Variants in ZCCHC17 observed in about 807,000 individuals in gnomAD.
ZCCHC17 encodes the protein zinc finger CCHC-type containing 17.
A neutral mutation model predicts 30.6 loss-of-function variants in ZCCHC17; 18 were observed. The ratio of observed to expected loss-of-function variants is 0.59; its 90% CI spans 0.41 to 0.87. The LOEUF (loss-of-function observed/expected upper bound fraction) is 0.87. ZCCHC17 is among the 40% of genes least tolerant of loss of function. ZCCHC17 has a pLI of 0.00. For missense variants in ZCCHC17, 263 were observed against 284.2 expected (o/e 0.93, Z 0.54); for synonymous variants, 88 against 92.4 (o/e 0.95, Z 0.27).
intron 7 of ZCCHC17, among the ~76,000 whole-genome samples, chr1:31,355,410 G>C (rs7532813): frequency 0.78 from 119,050 of 152,018 alleles, 47,015 homozygotes; most frequent in African/African-American, 0.84. Context: ...AAAATACATT[G>C]CTGTTTTTGT....
At chr1:31,328,608 T>C (rs1409895579) in intron 3 of ZCCHC17, among the ~76,000 whole-genome samples, 1 of 152,190 alleles carries the variant, frequency 6.6e-6, no homozygotes, top group Non-Finnish European at 1.5e-5. Context: ...TCTTTGCCAG[T>C]TTATTATAAA....
chr1:31,309,396 C>G (rs983396888), intron 1 of ZCCHC17, among the ~76,000 whole-genome samples: 1 of 152,128 alleles, frequency 6.6e-6, no homozygotes, highest in African/African-American at 2.4e-5. Flanking sequence ...CTCACTGCAG[C>G]CTCTGCCTCC....
In ZCCHC17 at chr1:31,358,259, AG is replaced by A. The variant is rs146392457; in HGVS notation, c.565-5772del. Reference sequence around the variant, plus strand: ...AAAGAGAGTGGTAGGAGAGGAAGTTAGATCAGAAGGAACCCAGATCACTGGG... The same window carrying A: ...AAAGAGAGTGGTAGGAGAGGAAGTTAATCAGAAGGAACCCAGATCACTGGG... On this transcript the variant is annotated intron_variant, in intron 7 of 7. Coordinates refer to ENST00000344147, the MANE Select transcript of ZCCHC17 (RefSeq NM_016505.4). Among the ~76,000 whole-genome samples, 880 of 152,372 alleles carry A rather than the reference AG, an allele frequency of 5.8e-3. 69 individuals carry two copies. The East Asian group carries it at 0.14, about 25-fold the overall frequency.
At chr1:31,326,712 G>A (rs1018394965) in intron 3 of ZCCHC17, among the ~76,000 whole-genome samples, 1 of 152,196 alleles carries the variant, frequency 6.6e-6, no homozygotes, top group African/African-American at 2.4e-5. Flanking sequence ...AAGTGAATCT[G>A]TCAGTCTGAC....
intron 1 of ZCCHC17, among the ~76,000 whole-genome samples, chr1:31,300,186 AG>A (rs1157589862): frequency 1.3e-5 from 2 of 152,132 alleles, no homozygotes; most frequent in East Asian, 3.9e-4. Context: ...CAGCCTCTCC[AG>A]TAGGTGGGAT....
intron 1 of ZCCHC17, among the ~76,000 whole-genome samples, chr1:31,300,133 C>T (rs1191520639): frequency 4.1e-4 from 62 of 152,298 alleles, no homozygotes; most frequent in Non-Finnish European, 3.5e-4. Flanking sequence ...GATTATGGCT[C>T]ACTGTAGCCT....
At chr1:31,357,977 C>T (rs143296327) in intron 7 of ZCCHC17, among the ~76,000 whole-genome samples, 1 of 152,212 alleles carries the variant, frequency 6.6e-6, no homozygotes, top group East Asian at 1.9e-4. Flanking sequence ...TGGTCTTGAA[C>T]TCCCGACCTC....
chr1:31,330,721 T>C (rs1216763415), intron 3 of ZCCHC17, among the ~76,000 whole-genome samples: 1 of 152,224 alleles, frequency 6.6e-6, no homozygotes, highest in Non-Finnish European at 1.5e-5. Flanking sequence ...GGATAATTTA[T>C]ATGATTTCTA....
At chr1:31,323,103 C>G (rs1569813681) in intron 3 of ZCCHC17, among the ~76,000 whole-genome samples, 4 of 152,292 alleles carry the variant, frequency 2.6e-5, no homozygotes, top group East Asian at 1.9e-4. Context: ...GTAGTCACCT[C>G]ATTAAGGGAC....
chr1:31,343,846 ATTTT>A (rs71569979), intron 5 of ZCCHC17, among the ~76,000 whole-genome samples: 4 of 80,770 alleles, frequency 5.0e-5, no homozygotes, highest in African/African-American at 1.9e-4. Context: ...TGCCCCACTA[ATTTT>A]TTTTTTTTTT....
rs78475172 is a variant in ZCCHC17 at position 31,329,615 on chromosome 1, G to T, written c.125-7560G>T. On this transcript the variant is annotated intron_variant, in intron 3 of 7. Transcript: ENST00000344147. ...AGTGATGTAAACAAATTAGAGTGGCGTGTAATAAAAATGAGTGTTGTTGCA... is the reference window on the plus strand; with the variant it reads ...AGTGATGTAAACAAATTAGAGTGGCTTGTAATAAAAATGAGTGTTGTTGCA... Among the ~76,000 whole-genome samples the T allele has an allele frequency of 6.2e-3, 948 of 152,320 alleles. 70 individuals are homozygous for T. In the East Asian group the frequency reaches 0.14, roughly 23 times the overall value.
rs1638510376 is a variant in ZCCHC17, at chr1:31,329,810, G to A, written c.125-7365G>A. Among the ~76,000 whole-genome samples, 3 of 152,252 alleles carry A rather than the reference G, an allele frequency of 2.0e-5. No individual in the cohort carries two copies. In the South Asian group the frequency reaches 6.2e-4, roughly 32 times the overall value. On this transcript the variant is annotated intron_variant, in intron 3 of 7. Coordinates refer to ENST00000344147, the MANE Select transcript of ZCCHC17 (RefSeq NM_016505.4). ...TCTTGGCAAGTCTCCTAGTCTTTGA[G>A]CCTTAATTTCCTTATCCCTGAAATG...
intron 7 of ZCCHC17, among the ~76,000 whole-genome samples, chr1:31,352,914 G>C (rs1404450312): frequency 6.6e-6 from 1 of 152,132 alleles, no homozygotes; most frequent in Non-Finnish European, 1.5e-5. Context: ...TAGTAGAATT[G>C]CTGGATCATA....
chr1:31,342,282 T>G (rs180803571), intron 5 of ZCCHC17, among the ~76,000 whole-genome samples: 2 of 152,228 alleles, frequency 1.3e-5, no homozygotes, highest in Admixed American at 1.3e-4. Flanking sequence ...TGACCTCAAG[T>G]GATCCCCCGC....
At chr1:31,323,601 G>T (rs1224930940) in intron 3 of ZCCHC17, among the ~76,000 whole-genome samples, 1 of 152,136 alleles carries the variant, frequency 6.6e-6, no homozygotes, top group African/African-American at 2.4e-5. Context: ...GATTCCAGGC[G>T]TGAGCCACCG....
intron 3 of ZCCHC17, among the ~76,000 whole-genome samples, chr1:31,325,612 C>T (rs867066846): frequency 1.3e-5 from 2 of 152,234 alleles, no homozygotes; most frequent in Admixed American, 6.5e-5. Flanking sequence ...CTCACTCACT[C>T]ATGCATCCCT....
At chr1:31,304,272 C>CTTTTT (rs5773350) in intron 1 of ZCCHC17, among the ~76,000 whole-genome samples, 4 of 146,648 alleles carry the variant, frequency 2.7e-5, no homozygotes, top group Non-Finnish European at 1.5e-5. Flanking sequence ...GTTATATACT[C>CTTTTT]TTTTTTTTTT....
chr1:31,315,476 A>G (rs1476381948), intron 2 of ZCCHC17, among the ~76,000 whole-genome samples: 1 of 152,214 alleles, frequency 6.6e-6, no homozygotes, highest in East Asian at 1.9e-4. Flanking sequence ...AGGTACGAGC[A>G]TAGCAATGAG....
chr1:31,343,454 C>T (rs1639121279), intron 5 of ZCCHC17, among the ~76,000 whole-genome samples: 1 of 152,184 alleles, frequency 6.6e-6, no homozygotes, highest in African/African-American at 2.4e-5. Context: ...CTGTTATGCT[C>T]AGTATTCTCA....
Sources: allele counts gnomAD v4.1 joint callset (sites outside exome capture counted in the v4.1 genomes callset), GRCh38; gene constraint gnomAD v4.1.1; transcripts MANE v1.5; gene names NCBI Gene and HGNC (gene_info 2026-07-23, HGNC 2026-07-21).